Variants in DNAAF9 observed in about 807,000 individuals in gnomAD.
DNAAF9 encodes shulin.
DNAAF9 carries 90 observed loss-of-function variants against 167.0 expected under a neutral mutation model. The ratio of observed to expected loss-of-function variants is 0.54; its 90% CI spans 0.45 to 0.64. The LOEUF is 0.64. DNAAF9 is among the 30% of genes least tolerant of loss of function. The pLI is 0.00. For missense variants in DNAAF9, 1,315 were observed against 1,442.2 expected (o/e 0.91, Z 1.43); for synonymous variants, 491 against 508.8 (o/e 0.96, Z 0.47).
intron 10 of DNAAF9, among the ~76,000 whole-genome samples, chr20:3,335,790 CT>C (rs201480924): frequency 0.029 from 4,376 of 150,084 alleles, 95 homozygotes; most frequent in African/African-American, 0.054. Flanking sequence ...TGTCTTCCCC[CT>C]ATGGGTAAGG....
In DNAAF9 at chr20:3,281,847, T is replaced by C. The variant is rs6051708; in HGVS notation, c.2487-81A>G. The stretch of plus-strand genomic sequence containing the variant: ...GAAGAGGGGAATCCCGAATGGCTGA[T>C]TGAACAAGGATGGAAAGAAAACCAA... On this transcript the variant is annotated intron_variant, in intron 27 of 36. Coordinates refer to ENST00000252032, the MANE Select transcript of DNAAF9 (RefSeq NM_001009984.3). 273,630 of 1,442,438 alleles carry C rather than the reference T, an allele frequency of 0.19. 27,060 individuals are homozygous for C. Among genetic ancestry groups the C allele is most frequent in the African/African-American group, 0.25 (16,983 of 69,310 alleles). 89.4% of individuals were successfully genotyped at this position (1,442,438 alleles called of 1,614,324 possible).
At chr20:3,397,571 G>A (rs1027157737) in intron 1 of DNAAF9, among the ~76,000 whole-genome samples, 3 of 152,176 alleles carry the variant, frequency 2.0e-5, no homozygotes, top group Non-Finnish European at 4.4e-5. Context: ...GCCCGTCTCA[G>A]CCTCCCAAAG....
intron 5 of DNAAF9, among the ~76,000 whole-genome samples, 161 bp from the exon 6 acceptor site, chr20:3,374,315 C>G (rs1394060935): frequency 6.6e-6 from 1 of 152,148 alleles, no homozygotes; most frequent in East Asian, 1.9e-4. Flanking sequence ...GATATTGAAA[C>G]TAGAAATACA....
rs192487085 is a variant in DNAAF9 at position 3,265,286 on chromosome 20, C to T, written c.2787-762G>A. ...TCCAATCAAGAATCATTCATTAGGC[C>T]GGGCGCGATGGCTCATGTCTGTAAT... On this transcript the variant is annotated intron_variant, in intron 30 of 36. Coordinates refer to ENST00000252032, the MANE Select transcript of DNAAF9 (RefSeq NM_001009984.3). 2.5e-3 allele frequency among the ~76,000 whole-genome samples: 384 copies of T among 151,318 alleles called. 1 individual carries two copies. Among genetic ancestry groups the T allele is most frequent in the African/African-American group, 8.5e-3 (346 of 40,724 alleles).
chr20:3,320,209 CATCATATGACACATTATGAT>C (rs1352664310), intron 16 of DNAAF9, among the ~76,000 whole-genome samples: 1 of 152,198 alleles, frequency 6.6e-6, no homozygotes, highest in Non-Finnish European at 1.5e-5. Context: ...ATATGAAGGT[CATCATATGACACATTATGAT>C]ATCATATGAC....
chr20:3,267,940 C>T (rs1177365476), intron 30 of DNAAF9, among the ~76,000 whole-genome samples: 1 of 151,942 alleles, frequency 6.6e-6, no homozygotes, highest in Non-Finnish European at 1.5e-5. Flanking sequence ...AGGGTTCCAG[C>T]AGAGGATTAT....
chr20:3,303,489 T>C (rs1376419976), intron 21 of DNAAF9, among the ~76,000 whole-genome samples: 1 of 152,212 alleles, frequency 6.6e-6, no homozygotes, highest in Non-Finnish European at 1.5e-5. Flanking sequence ...TACTGTGCTT[T>C]TCATGATGCA....
Position 3,294,177 on chromosome 20 carries a change from C to A in DNAAF9, c.2200G>T (p.Ala734Ser). The A allele has an allele frequency of 6.2e-7, 1 of 1,611,410 alleles. No homozygotes were observed. The highest frequency in any genetic ancestry group is 8.5e-7 in the Non-Finnish European group (1 of 1,177,568). The change falls in exon 25 of 37, where the codon GCT becomes TCT. Residue 734 changes from alanine to serine, a missense_variant. By Grantham distance (99) the Ala-to-Ser change is moderately conservative. Coordinates refer to ENST00000252032, the MANE Select transcript of DNAAF9 (RefSeq NM_001009984.3). ...ATTCTGTGAGTAGTGTTGATTTCAGCTTGCTGCAGCAGCACAGGAAGATGG... is the reference window on the plus strand; with the variant it reads ...ATTCTGTGAGTAGTGTTGATTTCAGATTGCTGCAGCAGCACAGGAAGATGG... ...RTHLPVLLQQ[A>S]EINTTHRIES...
At chr20:3,398,725 T>C (rs1206394708) in intron 1 of DNAAF9, among the ~76,000 whole-genome samples, 1 of 152,244 alleles carries the variant, frequency 6.6e-6, no homozygotes, top group Non-Finnish European at 1.5e-5. Flanking sequence ...GGCATTAATC[T>C]AGACTTTCGG....
intron 8 of DNAAF9, among the ~76,000 whole-genome samples, chr20:3,344,713 CAT>C (rs1190078368): frequency 6.6e-6 from 1 of 151,500 alleles, no homozygotes; most frequent in African/African-American, 2.4e-5. Flanking sequence ...GAAATGAAAT[CAT>C]AGAATAAAAA....
Position 3,376,289 on chromosome 20 carries a change from C to G in DNAAF9, c.297G>C (p.Leu99Phe), listed in dbSNP as rs930423445. The change falls in exon 4 of 37, where the codon TTG becomes TTC. Residue 99 changes from leucine (L) to phenylalanine (F), a missense_variant. By Grantham distance (22) the Leu-to-Phe change is conservative (BLOSUM62 0). Transcript: ENST00000252032. ...ACAGATGGACGCTATCCGATTTAAT[C>G]AATATAATTACATCTGTAAGAAAAA... ...SEEVLDDVIILIKSDSVHLYC... is the reference protein window; with the variant it reads ...SEEVLDDVIIFIKSDSVHLYC... 1.9e-6 allele frequency: 3 copies of G among 1,607,814 alleles called. No individual in the cohort carries two copies. The highest frequency in any genetic ancestry group is 2.5e-6 in the Non-Finnish European group (3 of 1,177,144).
intron 1 of DNAAF9, among the ~76,000 whole-genome samples, chr20:3,401,125 G>A (rs1483746076): frequency 6.6e-6 from 1 of 152,190 alleles, no homozygotes; most frequent in Non-Finnish European, 1.5e-5. Context: ...AACTAGCTAA[G>A]AAACACCTGA....
At chr20:3,364,091 T>C (rs1189405956) in intron 6 of DNAAF9, among the ~76,000 whole-genome samples, 1 of 152,188 alleles carries the variant, frequency 6.6e-6, no homozygotes, top group African/African-American at 2.4e-5. Context: ...CACATGGCAC[T>C]GCGCCCAGCT....
intron 10 of DNAAF9, among the ~76,000 whole-genome samples, chr20:3,338,353 C>T (rs1211407090): frequency 6.6e-6 from 1 of 151,992 alleles, no homozygotes; most frequent in Non-Finnish European, 1.5e-5. Context: ...CATCCTTGTT[C>T]CTCTATAGGT....
At chr20:3,407,442 C>T in intron 1 of DNAAF9, 33 bp downstream of exon 1, 2 of 1,283,892 alleles carry the variant, frequency 1.6e-6, no homozygotes, top group South Asian at 2.5e-5. Context: ...ATCCCCCGCC[C>T]GGCCGCCCCT....
intron 25 of DNAAF9, among the ~76,000 whole-genome samples, chr20:3,293,666 C>CAAAAA (rs71195830): frequency 2.3e-5 from 2 of 85,596 alleles, no homozygotes; most frequent in Admixed American, 1.4e-4. Flanking sequence ...GCCTGGGTGA[C>CAAAAA]AAAAAAAAAA....
chr20:3,382,399 T>G, intron 2 of DNAAF9, 28 bp downstream of exon 2: 8 of 1,585,668 alleles, frequency 5.0e-6, no homozygotes, highest in Non-Finnish European at 6.9e-6. Context: ...GCCCAAGCCC[T>G]GAGTCCCACC....
chr20:3,377,551 T>A (rs969059721), intron 3 of DNAAF9, among the ~76,000 whole-genome samples: 17 of 151,956 alleles, frequency 1.1e-4, no homozygotes, highest in African/African-American at 3.9e-4. Flanking sequence ...AACCTCTGTC[T>A]CCCAGGCTCA....
intron 30 of DNAAF9, 74 bp downstream of exon 30, chr20:3,270,353 A>G (rs1370000915): frequency 1.0e-5 from 14 of 1,398,384 alleles, no homozygotes; most frequent in African/African-American, 1.4e-5. Context: ...TACAGTAGAA[A>G]GACTCTGTGG....
Sources: allele counts gnomAD v4.1 joint callset (sites outside exome capture counted in the v4.1 genomes callset), GRCh38; gene constraint gnomAD v4.1.1; transcripts MANE v1.5; gene names NCBI Gene and HGNC (gene_info 2026-07-23, HGNC 2026-07-21).